LRRC28: variants seen among roughly 807,000 people sequenced by gnomAD.
LRRC28 encodes the protein leucine rich repeat containing 28, also known as leucine-rich repeat-containing protein 28.
Under a neutral mutation model 45.7 loss-of-function variants are expected in LRRC28, and 39 were observed. The ratio of observed to expected loss-of-function variants is 0.85; its 90% CI spans 0.66 to 1.12. The LOEUF (loss-of-function observed/expected upper bound fraction) is 1.12, where lower values mean the gene tolerates loss of function less well. LRRC28 is among the 50% of genes most tolerant of loss of function. The pLI is 0.00. For missense variants in LRRC28, 435 were observed against 438.5 expected (o/e 0.99, Z 0.07); for synonymous variants, 206 against 178.8 (o/e 1.15, Z -1.22).
At chr15:99,289,335 G>A (rs1028991213) in intron 5 of LRRC28, among the ~76,000 whole-genome samples, 2 of 152,160 alleles carry the variant, frequency 1.3e-5, no homozygotes, top group South Asian at 2.1e-4. Flanking sequence ...GAAAGATACA[G>A]ATGTTAATTT....
chr15:99,350,339 A>G (rs1956839548), intron 6 of LRRC28, among the ~76,000 whole-genome samples: 1 of 152,124 alleles, frequency 6.6e-6, no homozygotes, highest in South Asian at 2.1e-4. Flanking sequence ...GTAACTGGGC[A>G]GGATGATTGT....
chr15:99,383,332 T>G (rs1567716231), intron 9 of LRRC28, among the ~76,000 whole-genome samples: 2 of 152,248 alleles, frequency 1.3e-5, no homozygotes, highest in African/African-American at 4.8e-5. Flanking sequence ...CACTGCGTTG[T>G]TCCTCAAGTC....
chr15:99,253,962 G>C (rs1222879463), intron 1 of LRRC28, among the ~76,000 whole-genome samples: 1 of 152,254 alleles, frequency 6.6e-6, no homozygotes, highest in Non-Finnish European at 1.5e-5. Flanking sequence ...GGATGGAGGG[G>C]TGAGCCATTT....
At chr15:99,263,336 AAG>A (rs1491062877) in intron 2 of LRRC28, among the ~76,000 whole-genome samples, 2 of 151,530 alleles carry the variant, frequency 1.3e-5, no homozygotes, top group Admixed American at 6.6e-5. Flanking sequence ...AAAAAAAAAA[AAG>A]AAGTAGTTAA....
intron 6 of LRRC28, among the ~76,000 whole-genome samples, chr15:99,340,714 T>G (rs2152303060): frequency 6.6e-6 from 1 of 152,214 alleles, no homozygotes; most frequent in South Asian, 2.1e-4. Flanking sequence ...GAAGTTGGAG[T>G]GAGTTCTGTG....
At chr15:99,333,680 T>A in intron 5 of LRRC28, 1 of 535,804 alleles carries the variant, frequency 1.9e-6, no homozygotes, top group East Asian at 3.2e-5. Flanking sequence ...TTTGTGTCTC[T>A]TTTTTTCTCC....
At chr15:99,285,381 C>G in intron 3 of LRRC28, 1 of 743,776 alleles carries the variant, frequency 1.3e-6, no homozygotes. Flanking sequence ...GCATCCACCT[C>G]CTCCGCAGTG....
At chr15:99,283,060 T>C (rs2081851868) in intron 3 of LRRC28, among the ~76,000 whole-genome samples, 2 of 151,934 alleles carry the variant, frequency 1.3e-5, no homozygotes, top group African/African-American at 4.8e-5. Context: ...GCCCAGCTAA[T>C]TTTTGTAGTT....
At chr15:99,309,094 CTTTGTG>C (rs1382002515) in intron 5 of LRRC28, among the ~76,000 whole-genome samples, 2 of 152,140 alleles carry the variant, frequency 1.3e-5, no homozygotes, top group East Asian at 1.9e-4. Flanking sequence ...GGAATGCAGA[CTTTGTG>C]TTTGTGGGTG....
At chr15:99,309,819 C>T (rs559180759) in intron 5 of LRRC28, among the ~76,000 whole-genome samples, 3 of 152,280 alleles carry the variant, frequency 2.0e-5, no homozygotes, top group South Asian at 4.1e-4. Context: ...CCCTTGAGGA[C>T]AGTGCAGGGT....
At chr15:99,270,554 C>T (rs1171505736) in intron 2 of LRRC28, among the ~76,000 whole-genome samples, 3 of 151,466 alleles carry the variant, frequency 2.0e-5, no homozygotes, top group Non-Finnish European at 4.4e-5. Context: ...TGGCTTCTTT[C>T]ACTTAGCAAA....
chr15:99,318,469 T>C (rs1435944758), intron 5 of LRRC28, among the ~76,000 whole-genome samples: 3 of 152,034 alleles, frequency 2.0e-5, no homozygotes, highest in Non-Finnish European at 4.4e-5. Flanking sequence ...GAAATAAAAG[T>C]TTAAACAGCA....
At chr15:99,334,335 A>C (rs528299948) in intron 6 of LRRC28, among the ~76,000 whole-genome samples, 159 of 152,224 alleles carry the variant, frequency 1.0e-3, no homozygotes, top group African/African-American at 3.5e-3. Context: ...TAAAAAAGAA[A>C]TCTGTGCTAA....
In LRRC28 at chr15:99,373,721, A is replaced by G. The variant is rs1370841123; in HGVS notation, c.1031+10456A>G. Among the ~76,000 whole-genome samples the G allele has an allele frequency of 2.0e-5, 3 of 152,152 alleles. No homozygotes were observed. The South Asian group carries it at 6.2e-4, about 31-fold the overall frequency. ...GTATCTAATAACTCAAAATTTACAG[A>G]ATTTCCTGAGTTAAGAAAAAAATTC... On this transcript the variant is annotated intron_variant, in intron 9 of 9. Transcript: ENST00000301981.
In LRRC28 at chr15:99,328,563, T is replaced by C. The variant is rs559868806; in HGVS notation, c.386-5360T>C. Among the ~76,000 whole-genome samples the C allele has an allele frequency of 2.0e-5, 3 of 151,918 alleles. No homozygotes were observed. The South Asian group carries it at 6.2e-4, about 32-fold the overall frequency. On this transcript the variant is annotated intron_variant, in intron 5 of 9. Coordinates refer to ENST00000301981, the MANE Select transcript of LRRC28 (RefSeq NM_144598.5). ...AATTTTAGGTGTCAACTTGACTGAATTAAGAAATACCTAGAAACTTGATAA... is the reference window on the plus strand; with the variant it reads ...AATTTTAGGTGTCAACTTGACTGAACTAAGAAATACCTAGAAACTTGATAA...
intron 6 of LRRC28, among the ~76,000 whole-genome samples, chr15:99,342,483 C>T (rs1956548049): frequency 6.6e-6 from 1 of 152,194 alleles, no homozygotes; most frequent in Non-Finnish European, 1.5e-5. Flanking sequence ...GTAATATTAG[C>T]ACCTACTTCA....
intron 2 of LRRC28, among the ~76,000 whole-genome samples, chr15:99,273,079 G>A (rs977590125): frequency 6.6e-5 from 10 of 152,108 alleles, no homozygotes; most frequent in South Asian, 4.1e-4. Flanking sequence ...AAATTAAAAC[G>A]TATAACATTT....
chr15:99,385,623 T>G (rs1957960478), intron 9 of LRRC28, among the ~76,000 whole-genome samples: 1 of 152,272 alleles, frequency 6.6e-6, no homozygotes, highest in Admixed American at 6.5e-5. Flanking sequence ...CTGTGGTATA[T>G]ATGTGTTCTG....
At chr15:99,264,518 C>A (rs1422909982) in intron 2 of LRRC28, among the ~76,000 whole-genome samples, 1 of 152,154 alleles carries the variant, frequency 6.6e-6, no homozygotes, top group South Asian at 2.1e-4. Context: ...GAGGTGGGGA[C>A]CGAGCAATAG....
Sources: allele counts gnomAD v4.1 joint callset (sites outside exome capture counted in the v4.1 genomes callset), GRCh38; gene constraint gnomAD v4.1.1; transcripts MANE v1.5; gene names NCBI Gene and HGNC (gene_info 2026-07-23, HGNC 2026-07-21).